CYTIP: variants seen among roughly 807,000 people sequenced by gnomAD.
CYTIP encodes cytohesin 1 interacting protein, also known as cytohesin-interacting protein.
Under a neutral mutation model 43.8 loss-of-function variants are expected in CYTIP, and 26 were observed. The observed-to-expected ratio is 0.59, with a 90% CI of 0.44 to 0.82. The LOEUF is 0.82. CYTIP is among the 40% of genes least tolerant of loss of function. The pLI is 0.00. For synonymous variants in CYTIP, 162 were observed against 162.9 expected (o/e 0.99, Z 0.04); for missense variants, 426 against 443.1 (o/e 0.96, Z 0.35).
At chr2:157,437,219 G>T (rs962802933) in intron 1 of CYTIP, among the ~76,000 whole-genome samples, 1 of 151,964 alleles carries the variant, frequency 6.6e-6, no homozygotes, top group Non-Finnish European at 1.5e-5. Context: ...AACTAATGGG[G>T]TTATATTAAA....
intron 6 of CYTIP, among the ~76,000 whole-genome samples, chr2:157,423,359 T>G (rs1685554340): frequency 6.6e-6 from 1 of 151,936 alleles, no homozygotes; most frequent in Non-Finnish European, 1.5e-5. Flanking sequence ...GGGGGCACAC[T>G]CAATTTTTGA....
chr2:157,432,004 T>C (rs1685720627), intron 3 of CYTIP, among the ~76,000 whole-genome samples: 1 of 152,230 alleles, frequency 6.6e-6, no homozygotes, highest in Admixed American at 6.5e-5. Context: ...TAAAAGATCA[T>C]GCACTATGTT....
chr2:157,438,882 C>T (rs1685857991), intron 1 of CYTIP: 2 of 337,098 alleles, frequency 5.9e-6, no homozygotes, highest in Non-Finnish European at 1.3e-5. Flanking sequence ...ATTTTAAATA[C>T]CCTTTTAGTA....
intron 1 of CYTIP, among the ~76,000 whole-genome samples, chr2:157,437,008 T>A (rs1361460978): frequency 6.6e-6 from 1 of 152,270 alleles, no homozygotes; most frequent in Non-Finnish European, 1.5e-5. Context: ...TATATCCATA[T>A]GCAGAAGAAA....
chr2:157,440,825 T>G (rs529582162), intron 1 of CYTIP, among the ~76,000 whole-genome samples: 2 of 152,324 alleles, frequency 1.3e-5, no homozygotes, highest in South Asian at 4.1e-4. Context: ...AAAAGCAACG[T>G]ACTACATTTA....
chr2:157,416,813 T>A (rs1685445732), intron 7 of CYTIP, among the ~76,000 whole-genome samples: 1 of 152,226 alleles, frequency 6.6e-6, no homozygotes, highest in Admixed American at 6.5e-5. Flanking sequence ...AAGTAAGTAA[T>A]AATTTATTTG....
At chr2:157,429,359 T>C (rs1018797185) in intron 5 of CYTIP, among the ~76,000 whole-genome samples, 4 of 152,182 alleles carry the variant, frequency 2.6e-5, no homozygotes, top group African/African-American at 9.7e-5. Flanking sequence ...AACTCAAATA[T>C]CGCCTCCCTA....
Position 157,415,334 on chromosome 2 carries a change from C to A in CYTIP, c.*343G>T. ...TATTATATTCTGCCACACCTTTATT[C>A]ATACTTGACTCCAAAAAGTTCTCAA... On this transcript the variant is annotated 3_prime_UTR_variant, in exon 8 of 8. Transcript: ENST00000264192. The A allele has an allele frequency of 4.9e-6, 1 of 204,710 alleles. No homozygotes were observed. 12.7% of individuals were successfully genotyped at this position (204,710 alleles called of 1,614,324 possible). A position where few individuals can be genotyped will look rare whatever the true frequency, so the allele number is the denominator to read the frequency against.
At chr2:157,421,075 G>A (rs1208463495) in intron 6 of CYTIP, among the ~76,000 whole-genome samples, 1 of 152,206 alleles carries the variant, frequency 6.6e-6, no homozygotes, top group African/African-American at 2.4e-5. Flanking sequence ...AAGAGCAGAT[G>A]TGTCAAAGTG....
At chr2:157,432,057 G>A (rs932426515) in intron 3 of CYTIP, among the ~76,000 whole-genome samples, 4 of 152,022 alleles carry the variant, frequency 2.6e-5, no homozygotes, top group African/African-American at 4.8e-5. Flanking sequence ...TCCTGCCAGG[G>A]GTCTTCTCAG....
chr2:157,433,746 T>C (rs746903771), intron 3 of CYTIP, among the ~76,000 whole-genome samples: 12 of 152,196 alleles, frequency 7.9e-5, no homozygotes, highest in Non-Finnish European at 2.9e-5. Context: ...CTGAAACTTA[T>C]AAAGACTTAA....
chr2:157,427,377 G>C lies in CYTIP; in HGVS notation c.520C>G (p.Leu174Val). Residue 174 changes from leucine (L) to valine (V), a missense_variant, in exon 6 of 8, where the codon CTT (leucine) becomes GTT (valine). Leu to Val is a conservative substitution (Grantham distance 32, BLOSUM62 1). Transcript: ENST00000264192. ...TTTAAAACCTGCAGCTTTGCTTCAA[G>C]CTCCGTTCTTTTCAGAATCATTGTT... ...NGTMILKRTE[L>V]EAKLQVLKQT... The C allele has an allele frequency of 6.2e-7, 1 of 1,609,890 alleles. No individual in the cohort carries two copies.
At chr2:157,440,809 C>A (rs1483955272) in intron 1 of CYTIP, among the ~76,000 whole-genome samples, 1 of 152,164 alleles carries the variant, frequency 6.6e-6, no homozygotes, top group East Asian at 1.9e-4. Context: ...GTAAAAACTG[C>A]TTTCCAAAAG....
At chr2:157,422,891 C>G (rs1378362302) in intron 6 of CYTIP, among the ~76,000 whole-genome samples, 2 of 151,790 alleles carry the variant, frequency 1.3e-5, no homozygotes, top group Admixed American at 1.3e-4. Flanking sequence ...GAACAGCTAG[C>G]AAGAACATTT....
At chr2:157,418,649 G>T (rs1685476581) in intron 6 of CYTIP, 60 bp from the exon 7 acceptor site, 1 of 1,438,332 alleles carries the variant, frequency 7.0e-7, no homozygotes, top group South Asian at 1.3e-5. Context: ...AGTGAAGCTA[G>T]CAATTTAATT....
intron 2 of CYTIP, 80 bp from the exon 3 acceptor site, chr2:157,434,504 C>T (rs957965920): frequency 8.6e-7 from 1 of 1,164,120 alleles, no homozygotes; most frequent in Admixed American, 2.0e-5. Flanking sequence ...TTAAAAATAA[C>T]TGTCACAATT....
chr2:157,430,442 G>A (rs140813062), intron 5 of CYTIP, 117 bp downstream of exon 5: 12,095 of 823,202 alleles, frequency 0.015, 125 homozygotes, highest in Non-Finnish European at 0.02. Context: ...CTAAAGCTCC[G>A]GTGCACTGCC....
At chr2:157,431,459 T>C (rs1348665368) in intron 3 of CYTIP, among the ~76,000 whole-genome samples, 1 of 152,300 alleles carries the variant, frequency 6.6e-6, no homozygotes, top group East Asian at 1.9e-4. Flanking sequence ...TATTCAAAAG[T>C]ACTATAATTG....
intron 6 of CYTIP, among the ~76,000 whole-genome samples, chr2:157,419,514 G>C (rs2105132625): frequency 6.6e-6 from 1 of 152,324 alleles, no homozygotes. Flanking sequence ...AGAGGGGACT[G>C]AGGCAATGGC....
Sources: allele counts gnomAD v4.1 joint callset (sites outside exome capture counted in the v4.1 genomes callset), GRCh38; gene constraint gnomAD v4.1.1; transcripts MANE v1.5; gene names NCBI Gene and HGNC (gene_info 2026-07-23, HGNC 2026-07-21).